GLB1: variants seen among roughly 807,000 people sequenced by gnomAD.
GLB1 encodes the protein galactosidase beta 1, also known as beta-galactosidase.
A neutral mutation model predicts 74.0 loss-of-function variants in GLB1; 56 were observed. The observed-to-expected ratio is 0.76, with a 90% CI of 0.61 to 0.94. GLB1 has a LOEUF of 0.94. GLB1 is among the 40% of genes least tolerant of loss of function. GLB1 has a pLI of 0.00. For missense variants in GLB1, 787 were observed against 845.5 expected (o/e 0.93, Z 0.86); for synonymous variants, 323 against 323.6 (o/e 1.00, Z 0.02).
chr3:32,980,650 G>T, the GLB1 span, among the ~76,000 whole-genome samples: 4 of 151,662 alleles, frequency 2.6e-5, no homozygotes, highest in Non-Finnish European at 5.9e-5. Flanking sequence ...GCATGGTGGC[G>T]TGTGCCTGTA....
chr3:33,014,451 G>A (rs1034088583), intron 14 of GLB1, 141 bp from the exon 15 acceptor site: 18 of 1,276,416 alleles, frequency 1.4e-5, no homozygotes, highest in South Asian at 2.7e-5. Context: ...TGTGTACATC[G>A]AAGTAACACA....
chr3:33,042,370 C>CTTTTT (rs66685286), intron 10 of GLB1, among the ~76,000 whole-genome samples: 5,830 of 98,934 alleles, frequency 0.059, 519 homozygotes, highest in East Asian at 0.21. Context: ...TCATCTCCTC[C>CTTTTT]TTTTTTTTTT....
At chr3:33,085,993 G>A (rs904426865) in intron 1 of GLB1, among the ~76,000 whole-genome samples, 3 of 151,600 alleles carry the variant, frequency 2.0e-5, no homozygotes, top group African/African-American at 4.8e-5. Flanking sequence ...TGAGTGTATC[G>A]CTTAAGCCCA....
the GLB1 span, among the ~76,000 whole-genome samples, chr3:32,973,457 C>T: frequency 6.6e-6 from 1 of 152,136 alleles, no homozygotes; most frequent in African/African-American, 2.4e-5. Flanking sequence ...CCTCAGCCTC[C>T]CCAGTAGCTA....
chr3:33,012,205 C>A (rs924648853), intron 15 of GLB1, among the ~76,000 whole-genome samples: 6 of 152,158 alleles, frequency 3.9e-5, no homozygotes, highest in Non-Finnish European at 7.4e-5. Context: ...GGCCCAGATC[C>A]CTGCCCTGAA....
chr3:33,067,874 T>C (rs1699748165), intron 4 of GLB1, among the ~76,000 whole-genome samples: 1 of 152,098 alleles, frequency 6.6e-6, no homozygotes, highest in Admixed American at 6.6e-5. Context: ...ATATAAATTG[T>C]TGAAGCTTTT....
intron 7 of GLB1, 129 bp downstream of exon 7, chr3:33,053,362 A>G (rs1699077837): frequency 1.5e-6 from 2 of 1,294,180 alleles, no homozygotes; most frequent in African/African-American, 2.9e-5. Context: ...CAGAATGGCT[A>G]TGACTCCACA....
chr3:33,074,819 G>C (rs567380446), intron 1 of GLB1, among the ~76,000 whole-genome samples: 1 of 152,124 alleles, frequency 6.6e-6, no homozygotes, highest in Non-Finnish European at 1.5e-5. Context: ...GTGGCTTTGG[G>C]GGTTGCCCTT....
intron 5 of GLB1, among the ~76,000 whole-genome samples, chr3:33,064,307 G>C (rs568608919): frequency 1.3e-5 from 2 of 151,218 alleles, no homozygotes; most frequent in Non-Finnish European, 2.9e-5. Context: ...AGGCATCGTG[G>C]TGCACGCCTG....
chr3:33,011,143 C>G (rs1697005443), intron 15 of GLB1, among the ~76,000 whole-genome samples: 2 of 152,142 alleles, frequency 1.3e-5, no homozygotes, highest in African/African-American at 4.8e-5. Flanking sequence ...CAGGCATGAG[C>G]CACCACACCC....
At chr3:33,053,415 C>A in intron 7 of GLB1, 76 bp downstream of exon 7, 1 of 1,607,840 alleles carries the variant, frequency 6.2e-7, no homozygotes, top group Non-Finnish European at 8.5e-7. Context: ...CATCAAGGGC[C>A]TACTGCCCAG....
At chr3:32,980,969 T>A in the GLB1 span, among the ~76,000 whole-genome samples, 1 of 151,410 alleles carries the variant, frequency 6.6e-6, no homozygotes, top group Non-Finnish European at 1.5e-5. Context: ...TACACACCTG[T>A]AATCCTAGCT....
At chr3:33,094,110 G>T in intron 1 of GLB1, 1 of 1,614,240 alleles carries the variant, frequency 6.2e-7, no homozygotes, top group Non-Finnish European at 8.5e-7. Flanking sequence ...TGCCAGATAC[G>T]AGCGGGAGGC....
intron 13 of GLB1, among the ~76,000 whole-genome samples, 159 bp from the exon 14 acceptor site, chr3:33,016,999 C>T (rs1056782915): frequency 1.3e-5 from 2 of 152,204 alleles, no homozygotes; most frequent in Non-Finnish European, 2.9e-5. Context: ...AGTTACCGGC[C>T]AGGTCGGAAA....
the GLB1 span, among the ~76,000 whole-genome samples, chr3:32,982,599 A>G: frequency 1.3e-5 from 2 of 152,154 alleles, no homozygotes. Context: ...ACAAGTTGTA[A>G]TTTATGCAAT....
intron 6 of GLB1, among the ~76,000 whole-genome samples, chr3:33,057,652 C>A (rs1220655079): frequency 2.6e-5 from 4 of 152,204 alleles, no homozygotes; most frequent in African/African-American, 9.6e-5. Context: ...AGTGGCTGAC[C>A]TCAAGGTTGG....
the GLB1 span, among the ~76,000 whole-genome samples, chr3:32,967,098 T>C: frequency 1.3e-5 from 2 of 152,218 alleles, no homozygotes; most frequent in Non-Finnish European, 2.9e-5. Flanking sequence ...CTTCCATTTG[T>C]ATTCATATTG....
chr3:33,073,982 C>A (rs577786368), intron 1 of GLB1, among the ~76,000 whole-genome samples: 2 of 150,326 alleles, frequency 1.3e-5, no homozygotes, highest in Admixed American at 6.6e-5. Flanking sequence ...CGTGTTCATG[C>A]CACTGCACTG....
chr3:32,965,582 A>T, the GLB1 span, among the ~76,000 whole-genome samples: 1 of 152,218 alleles, frequency 6.6e-6, no homozygotes, highest in Non-Finnish European at 1.5e-5. Flanking sequence ...GAAAAGAAAA[A>T]AAAAACATTT....
Sources: allele counts gnomAD v4.1 joint callset (sites outside exome capture counted in the v4.1 genomes callset), GRCh38; gene constraint gnomAD v4.1.1; transcripts MANE v1.5; gene names NCBI Gene and HGNC (gene_info 2026-07-23, HGNC 2026-07-21).